Variants in SLC47A1 observed in about 807,000 individuals in gnomAD.
SLC47A1 encodes the protein multidrug and toxin extrusion protein 1.
SLC47A1 carries 58 observed loss-of-function variants against 65.8 expected under a neutral mutation model. The observed-to-expected ratio is 0.88, with a 90% confidence interval of 0.71 to 1.10. SLC47A1 has a LOEUF of 1.10. Ranked by LOEUF, SLC47A1 falls within the 50% of genes least tolerant of loss-of-function variation. SLC47A1 has a pLI of 0.00. For missense variants in SLC47A1, 706 were observed against 719.2 expected, an observed-to-expected ratio of 0.98 and a Z score of 0.21; for synonymous variants, 285 against 295.0, an observed-to-expected ratio of 0.97 and a Z score of 0.35.
In SLC47A1 at chr17:19,546,515, T is replaced by G; in HGVS notation, c.306+12T>G. 1.9e-6 allele frequency: 3 copies of G among 1,612,874 alleles called. No individual in the cohort carries two copies. The highest frequency in any genetic ancestry group is 1.7e-6 in the Non-Finnish European group (2 of 1,179,394). On this transcript the variant is annotated intron_variant, in intron 3 of 16. Transcript: ENST00000270570. ...CCCTCATCTCCCAGGTAAATGGAAG[T>G]GGTCACACGCTCACAGTGACCTCAA...
chr17:19,544,816 C>T (rs1916244974), intron 2 of SLC47A1, among the ~76,000 whole-genome samples: 1 of 152,208 alleles, frequency 6.6e-6, no homozygotes, highest in African/African-American at 2.4e-5. Flanking sequence ...TGGGTAATCA[C>T]CTCTAGCCTA....
intron 1 of SLC47A1, among the ~76,000 whole-genome samples, chr17:19,540,389 T>C (rs1253412245): frequency 6.6e-6 from 1 of 152,216 alleles, no homozygotes; most frequent in African/African-American, 2.4e-5. Flanking sequence ...TTACAGATGA[T>C]GTGCAAAAGC....
Position 19,540,849 on chromosome 17 carries a change from G to GACACACACACACACACACACACAC in SLC47A1, c.136-1539_136-1516dup, listed in dbSNP as rs144308134. Among the ~76,000 whole-genome samples the GACACACACACACACACACACACAC allele has an allele frequency of 4.8e-4, 68 of 143,006 alleles. No homozygotes were observed. The East Asian group carries it at 6.4e-3, about 13-fold the overall frequency. 93.8% of individuals were successfully genotyped at this position (143,006 alleles called of 152,430 possible). Reference sequence around the variant, plus strand: ...CAAGAAAGATACTTCTCCTACAACAGACACACACACACACACACACACACA... The same window carrying GACACACACACACACACACACACAC: ...CAAGAAAGATACTTCTCCTACAACAGACACACACACACACACACACACACACACACACACACACACACACACACA... On this transcript the variant is annotated intron_variant, in intron 1 of 16. Coordinates refer to ENST00000270570, the MANE Select transcript of SLC47A1 (RefSeq NM_018242.3).
rs769644609 is a variant in SLC47A1, at chr17:19,560,403, C to A, written c.1031-15C>A. The A allele has an allele frequency of 6.2e-7, 1 of 1,614,028 alleles. No homozygotes were observed. Among genetic ancestry groups the A allele is most frequent in the South Asian group, 1.1e-5 (1 of 91,068 alleles). On this transcript the variant is annotated splice_polypyrimidine_tract_variant and intron_variant, in intron 11 of 16. Transcript: ENST00000270570. ...TTGTTCACTGTGTTGTTTCTTCTGC[C>A]GTTTTTACCTTCAGTGCTCTTTGCT...
intron 1 of SLC47A1, among the ~76,000 whole-genome samples, chr17:19,539,566 C>T (rs1276338930): frequency 1.3e-5 from 2 of 151,918 alleles, no homozygotes; most frequent in Non-Finnish European, 2.9e-5. Context: ...CTCACTGCAA[C>T]CTCTGCCCCC....
rs559632072 is a variant in SLC47A1 at position 19,539,140 on chromosome 17, G to A, written c.136-3253G>A. On this transcript the variant is annotated intron_variant, in intron 1 of 16. Coordinates refer to ENST00000270570, the MANE Select transcript of SLC47A1 (RefSeq NM_018242.3). ...TGCCTGGGCTGGTCTTGAACTCCTG[G>A]GCTCAAGCAGTCCTCTTGCCTCAGC... 2.6e-5 allele frequency among the ~76,000 whole-genome samples: 4 copies of A among 152,162 alleles called. No homozygotes were observed. The South Asian group carries it at 8.3e-4, about 32-fold the overall frequency.
intron 12 of SLC47A1, among the ~76,000 whole-genome samples, chr17:19,561,156 G>A (rs2084307099): frequency 6.6e-6 from 1 of 151,822 alleles, no homozygotes; most frequent in African/African-American, 2.4e-5. Flanking sequence ...TACTCAGGAG[G>A]CTGAGGTGGG....
chr17:19,542,554 C>T, intron 2 of SLC47A1, 60 bp downstream of exon 2: 3 of 1,336,776 alleles, frequency 2.2e-6, no homozygotes, highest in South Asian at 2.6e-5. Context: ...TCTGCTGCTA[C>T]TATAACAAAT....
Position 19,555,790 on chromosome 17 carries a change from C to T in SLC47A1, c.740-6C>T. 6.2e-7 allele frequency: 1 copy of T among 1,613,372 alleles called. No individual in the cohort carries two copies. The highest frequency in any genetic ancestry group is 1.1e-5 in the South Asian group (1 of 91,082). Reference sequence around the variant, plus strand: ...TCTCCTGGAAATGTGTGTGTCCCCCCCACAGGCTGGTCCCTCGAGTGCCTG... The same window carrying T: ...TCTCCTGGAAATGTGTGTGTCCCCCTCACAGGCTGGTCCCTCGAGTGCCTG... On this transcript the variant is annotated splice_polypyrimidine_tract_variant and splice_region_variant and intron_variant, in intron 8 of 16. Transcript: ENST00000270570.
chr17:19,549,810 C>T, intron 5 of SLC47A1, 133 bp downstream of exon 5: 1 of 961,278 alleles, frequency 1.0e-6, no homozygotes, highest in Non-Finnish European at 1.6e-6. Flanking sequence ...TTCAAGGAAG[C>T]CTGTTTTTAT....
chr17:19,568,221 A>T (rs1486094767), intron 14 of SLC47A1: 1 of 152,190 alleles, frequency 6.6e-6, no homozygotes, highest in Non-Finnish European at 1.5e-5. Flanking sequence ...ATGTTCCTTT[A>T]TGTGGCACAT....
At chr17:19,566,155 T>G (rs2084356096) in intron 12 of SLC47A1, among the ~76,000 whole-genome samples, 3 of 152,224 alleles carry the variant, frequency 2.0e-5, no homozygotes, top group Non-Finnish European at 4.4e-5. Context: ...ACTCTCTTAC[T>G]GTGCCCAAAT....
In SLC47A1 at chr17:19,567,246, C is replaced by CA. The variant is rs753537562; in HGVS notation, c.1309+19dup. The CA allele has an allele frequency of 6.2e-7, 1 of 1,614,014 alleles. No homozygotes were observed. Among genetic ancestry groups the CA allele is most frequent in the Non-Finnish European group, 8.5e-7 (1 of 1,179,976 alleles). On this transcript the variant is annotated intron_variant, in intron 14 of 16. Transcript: ENST00000270570. ...AGTGATGGGTAAGCTCTAACCTCTG[C>CA]AGGCAGGGCTTAGCTGCTCACCAGC...
intron 16 of SLC47A1, among the ~76,000 whole-genome samples, chr17:19,573,920 C>A (rs1051755995): frequency 1.6e-5 from 2 of 122,424 alleles, no homozygotes; most frequent in African/African-American, 6.2e-5. Context: ...CTGGTTCATG[C>A]TTTTTTTTTT....
At position 19,563,354 on chromosome 17, in the gene SLC47A1, G is replaced by C. The variant is rs189965945; in HGVS notation, c.1106+2861G>C. 4.3e-3 allele frequency among the ~76,000 whole-genome samples: 650 copies of C among 151,742 alleles called. 2 individuals carry two copies. The highest frequency in any genetic ancestry group is 0.013 in the African/African-American group (546 of 41,418). ...TCACCGTGTTAGCCAGGATGGTCTCGATCTCCTGACCTTGTGATCCGCCCG... is the reference window on the plus strand; with the variant it reads ...TCACCGTGTTAGCCAGGATGGTCTCCATCTCCTGACCTTGTGATCCGCCCG... On this transcript the variant is annotated intron_variant, in intron 12 of 16. Transcript: ENST00000270570.
chr17:19,556,148 C>A (rs781055507), intron 10 of SLC47A1, 86 bp downstream of exon 10: 32 of 1,431,996 alleles, frequency 2.2e-5, no homozygotes, highest in Non-Finnish European at 3.1e-5. Flanking sequence ...CACAGGCATT[C>A]GTACATGAAT....
At chr17:19,538,965 C>T (rs1444814856) in intron 1 of SLC47A1, among the ~76,000 whole-genome samples, 2 of 152,150 alleles carry the variant, frequency 1.3e-5, no homozygotes, top group Non-Finnish European at 2.9e-5. Context: ...AGCAGGGTCT[C>T]GCTGTGTCAC....
Position 19,578,971 on chromosome 17 carries a change from A to G in SLC47A1, c.*1418A>G, listed in dbSNP as rs1213917628. The G allele has an allele frequency of 6.6e-6, 1 of 152,254 alleles. No homozygotes were observed. 9.4% of individuals were successfully genotyped at this position (152,254 alleles called of 1,614,324 possible). A position where few individuals can be genotyped will look rare whatever the true frequency, so the allele number is the denominator to read the frequency against. ...TGTTGTTCCGACATACCGAGGACCA[A>G]CTGGTCTACATGGATGCCCTGAACA... On this transcript the variant is annotated 3_prime_UTR_variant, in exon 17 of 17. Transcript: ENST00000270570.
chr17:19,564,648 T>C (rs1414184544), intron 12 of SLC47A1: 1 of 152,218 alleles, frequency 6.6e-6, no homozygotes, highest in African/African-American at 2.4e-5. Flanking sequence ...AAAATAAAAT[T>C]TGAATAAAAT....
Sources: allele counts gnomAD v4.1 joint callset (sites outside exome capture counted in the v4.1 genomes callset), GRCh38; gene constraint gnomAD v4.1.1; transcripts MANE v1.5; gene names NCBI Gene and HGNC (gene_info 2026-07-23, HGNC 2026-07-21).